Variants in RPS6KA2 observed in about 807,000 individuals in gnomAD.
RPS6KA2 encodes ribosomal protein S6 kinase A2, also known as ribosomal protein S6 kinase alpha-2.
In RPS6KA2, 42 loss-of-function variants were observed where a neutral mutation model predicts 91.8. That is an observed-to-expected ratio of 0.46 (90% CI 0.36 to 0.59). The LOEUF (loss-of-function observed/expected upper bound fraction) is 0.59. Among genes scored for constraint, RPS6KA2 ranks in the 20% least tolerant of loss-of-function variants. The probability of loss-of-function intolerance (pLI) is 0.00; values close to 1 mark genes in which losing one functional copy is unlikely to be tolerated. For missense variants in RPS6KA2, 798 were observed against 978.5 expected, an observed-to-expected ratio of 0.82 and a Z score of 2.46; for synonymous variants, 414 against 393.6, an observed-to-expected ratio of 1.05 and a Z score of -0.61.
intron 8 of RPS6KA2, among the ~76,000 whole-genome samples, chr6:166,497,327 C>T (rs192033057): frequency 3.3e-5 from 5 of 152,350 alleles, no homozygotes; most frequent in African/African-American, 7.2e-5. Flanking sequence ...TTGAACTGCA[C>T]GACTGTCTGT....
At position 166,489,053 on chromosome 6, in the gene RPS6KA2, T is replaced by C; in HGVS notation, c.819-132A>G. On this transcript the variant is annotated intron_variant, in intron 9 of 20. Coordinates refer to ENST00000265678, the MANE Select transcript of RPS6KA2 (RefSeq NM_021135.6). Reference sequence around the variant, plus strand: ...AGCCCGTGCTCTACCACGTGGGTCTTAGGACCCTTTTATGCTTTAAAAGTT... The same window carrying C: ...AGCCCGTGCTCTACCACGTGGGTCTCAGGACCCTTTTATGCTTTAAAAGTT... The C allele has an allele frequency of 4.5e-6, 3 of 668,368 alleles. No homozygotes were observed. In the South Asian group the frequency reaches 5.4e-5, roughly 12 times the overall value. 41.4% of individuals were successfully genotyped at this position (668,368 alleles called of 1,614,324 possible).
At chr6:166,702,919 G>A in intron 2 of RPS6KA2, 1 of 664,104 alleles carries the variant, frequency 1.5e-6, no homozygotes. Flanking sequence ...GGATCCAGCT[G>A]GTTTTGTTCC....
chr6:166,430,609 G>T lies in RPS6KA2; in HGVS notation c.1425C>A (p.Val475=). ...GGTACACAAACTTGCCATCATCATAGACCTGCGGAGTGGAGAAGGGGCGCA... is the reference window on the plus strand; with the variant it reads ...GGTACACAAACTTGCCATCATCATATACCTGCGGAGTGGAGAAGGGGCGCA... ...QHPNIITLKD[V]YDDGKFVYLV... The change falls in exon 16 of 21, where the codon GTC becomes GTA. Residue 475 remains valine, a splice_region_variant and synonymous_variant. Transcript: ENST00000265678. 6.2e-7 allele frequency: 1 copy of T among 1,611,298 alleles called. No individual in the cohort carries two copies. Among genetic ancestry groups the T allele is most frequent in the Non-Finnish European group, 8.5e-7 (1 of 1,178,094 alleles).
At chr6:166,483,136 A>G (rs1781292552) in intron 10 of RPS6KA2, among the ~76,000 whole-genome samples, 1 of 152,190 alleles carries the variant, frequency 6.6e-6, no homozygotes, top group Admixed American at 6.5e-5. Flanking sequence ...TTTGTGCCAC[A>G]CCAGGTAAGA....
chr6:166,773,070 T>TC (rs979227660), intron 2 of RPS6KA2, among the ~76,000 whole-genome samples: 1 of 152,178 alleles, frequency 6.6e-6, no homozygotes, highest in Non-Finnish European at 1.5e-5. Flanking sequence ...GGGCTCCACG[T>TC]CTGGGTCAAC....
At chr6:166,748,585 C>T (rs1791113517) in intron 2 of RPS6KA2, among the ~76,000 whole-genome samples, 1 of 102,086 alleles carries the variant, frequency 9.8e-6, no homozygotes, top group Admixed American at 9.3e-5. Flanking sequence ...CCTCCTCGGG[C>T]CCCCATTTCC....
rs1281848382 is a variant in RPS6KA2, at chr6:166,639,931, G to T, written c.124-101147C>A. 2.6e-5 allele frequency among the ~76,000 whole-genome samples: 4 copies of T among 152,218 alleles called. No individual in the cohort carries two copies. Among genetic ancestry groups the T allele is most frequent in the Non-Finnish European group, 5.9e-5 (4 of 68,044 alleles). On this transcript the variant is annotated intron_variant, in intron 2 of 21. Transcript: ENST00000503859. This position sits in a 1 kb window ranked among gnomAD's most constrained non-coding sequence, Gnocchi z 4.2. ...CTTCAGAGAAGCAAGTGTCCGTAGCGTTCCATGCGTGTGTGTAAACAGACG... is the reference window on the plus strand; with the variant it reads ...CTTCAGAGAAGCAAGTGTCCGTAGCTTTCCATGCGTGTGTGTAAACAGACG...
intron 2 of RPS6KA2, among the ~76,000 whole-genome samples, chr6:166,534,516 C>A (rs954526969): frequency 1.3e-5 from 2 of 152,116 alleles, no homozygotes; most frequent in African/African-American, 4.8e-5. Context: ...GAAGTACGAC[C>A]GTATAAACTC....
chr6:166,742,077 A>G (rs9457200), intron 2 of RPS6KA2, among the ~76,000 whole-genome samples: 25,362 of 152,094 alleles, frequency 0.17, 2,767 homozygotes, highest in African/African-American at 0.31. Flanking sequence ...GCAGTGAGCC[A>G]AGCTGAGATC....
chr6:166,786,485 C>T (rs9457211), intron 2 of RPS6KA2, among the ~76,000 whole-genome samples: 52,563 of 150,760 alleles, frequency 0.35, 9,771 homozygotes, highest in African/African-American at 0.47. Flanking sequence ...AATGATATCA[C>T]GGATGCAAAA....
At chr6:166,476,224 C>T (rs1780969974) in intron 10 of RPS6KA2, among the ~76,000 whole-genome samples, 1 of 152,142 alleles carries the variant, frequency 6.6e-6, no homozygotes, top group Admixed American at 6.5e-5. Flanking sequence ...AGCAAAGCCC[C>T]GGGGTCTAGG....
chr6:166,741,257 G>T (rs1020739985), intron 2 of RPS6KA2, among the ~76,000 whole-genome samples: 1 of 152,208 alleles, frequency 6.6e-6, no homozygotes, highest in Non-Finnish European at 1.5e-5. Context: ...TTTGCACACG[G>T]AATTCAAGCC....
intron 2 of RPS6KA2, among the ~76,000 whole-genome samples, chr6:166,746,057 G>A (rs184458441): frequency 8.5e-4 from 130 of 152,262 alleles, no homozygotes; most frequent in African/African-American, 2.6e-3. Flanking sequence ...ACTGAGACAC[G>A]CTTTTTCCTG....
At chr6:166,534,335 G>A (rs1285137618) in intron 2 of RPS6KA2, among the ~76,000 whole-genome samples, 1 of 151,980 alleles carries the variant, frequency 6.6e-6, no homozygotes, top group East Asian at 1.9e-4. Context: ...CAGGAGGATC[G>A]CTTGAGCCCA....
chr6:166,760,564 T>C (rs686547), intron 2 of RPS6KA2, among the ~76,000 whole-genome samples: 2,531 of 152,308 alleles, frequency 0.017, 67 homozygotes, highest in African/African-American at 0.058. Flanking sequence ...AACAGGAAAC[T>C]AGCATAGGTT....
intron 11 of RPS6KA2, among the ~76,000 whole-genome samples, chr6:166,466,237 C>G (rs1052726659): frequency 6.6e-6 from 1 of 152,224 alleles, no homozygotes; most frequent in Non-Finnish European, 1.5e-5. Context: ...TGAGCAGAGG[C>G]GCTGTGTAGA....
intron 3 of RPS6KA2, among the ~76,000 whole-genome samples, chr6:166,527,290 C>A (rs552608185): frequency 1.3e-5 from 2 of 152,118 alleles, no homozygotes; most frequent in Non-Finnish European, 2.9e-5. Flanking sequence ...AAGAAGGAAC[C>A]GTTACGCTTG....
chr6:166,701,482 T>C, intron 2 of RPS6KA2: 1 of 1,186,844 alleles, frequency 8.4e-7, no homozygotes, highest in East Asian at 2.3e-5. Context: ...CATCCTCACC[T>C]TAGCATCTGG....
At chr6:166,842,602 C>T (rs1583172122) in intron 2 of RPS6KA2, among the ~76,000 whole-genome samples, 1 of 152,254 alleles carries the variant, frequency 6.6e-6, no homozygotes, top group Non-Finnish European at 1.5e-5. Context: ...TAATCCAGCA[C>T]TGAAGCCAGA....
Sources: allele counts gnomAD v4.1 joint callset (sites outside exome capture counted in the v4.1 genomes callset), GRCh38; gene constraint gnomAD v4.1.1; non-coding constraint Gnocchi (gnomAD v3.1); transcripts MANE v1.5; gene names NCBI Gene and HGNC (gene_info 2026-07-23, HGNC 2026-07-21).